Variants in MED13 observed in about 807,000 individuals in gnomAD.
MED13 encodes the protein mediator of RNA polymerase II transcription subunit 13.
MED13 carries 23 observed loss-of-function variants against 225.2 expected under a neutral mutation model. The observed-to-expected ratio is 0.10, with a 90% confidence interval of 0.07 to 0.14. The LOEUF (loss-of-function observed/expected upper bound fraction) is 0.14, where lower values mean the gene tolerates loss of function less well. MED13 is among the 10% of genes least tolerant of loss of function. The pLI, the probability that MED13 is intolerant of heterozygous loss-of-function variation, is 1.00. For missense variants in MED13, 2,197 were observed against 2,594.5 expected (o/e 0.85, Z 3.33); for synonymous variants, 942 against 889.2 (o/e 1.06, Z -1.06).
intron 8 of MED13, among the ~76,000 whole-genome samples, chr17:62,015,950 ATATATTTTTTTTTTTTTT>A (rs2080572976): frequency 7.3e-5 from 1 of 13,780 alleles, no homozygotes; most frequent in South Asian, 3.5e-3. Context: ...ATATATATAT[ATATATTTTTTTTTTTTTT>A]TTTTTTTTTT....
At chr17:61,975,008 G>GA (rs2080141801) in intron 16 of MED13, among the ~76,000 whole-genome samples, 1 of 151,986 alleles carries the variant, frequency 6.6e-6, no homozygotes, top group Non-Finnish European at 1.5e-5. Context: ...TGAAAAACAG[G>GA]AAAGTGAAAA....
intron 23 of MED13, among the ~76,000 whole-genome samples, chr17:61,958,202 C>CT (rs1320698405): frequency 5.9e-5 from 9 of 151,726 alleles, no homozygotes; most frequent in Non-Finnish European, 1.2e-4. Flanking sequence ...GAGTCTAACT[C>CT]TATCACCCAG....
intron 3 of MED13, among the ~76,000 whole-genome samples, chr17:62,037,694 C>A (rs1436202369): frequency 2.0e-5 from 3 of 149,278 alleles, no homozygotes; most frequent in Non-Finnish European, 4.4e-5. Flanking sequence ...GACAAAGAGG[C>A]CTGTAATCCC....
intron 8 of MED13, among the ~76,000 whole-genome samples, chr17:62,022,639 C>T (rs1160502528): frequency 6.6e-6 from 1 of 151,864 alleles, no homozygotes; most frequent in African/African-American, 2.4e-5. Context: ...TGAAGCAGAG[C>T]TATATAAGTA....
At chr17:61,965,643 G>A (rs2080051504) in intron 19 of MED13, among the ~76,000 whole-genome samples, 175 bp from the exon 20 acceptor site, 1 of 152,012 alleles carries the variant, frequency 6.6e-6, no homozygotes, top group Non-Finnish European at 1.5e-5. Context: ...CCTAGAGACT[G>A]AAGAAACATA....
chr17:61,998,699 A>G (rs1200672432), intron 9 of MED13, among the ~76,000 whole-genome samples: 1 of 149,508 alleles, frequency 6.7e-6, no homozygotes, highest in Non-Finnish European at 1.5e-5. Flanking sequence ...TCCAGAGTTC[A>G]AAGTATCCTC....
At chr17:62,021,291 G>A (rs1363718069) in intron 8 of MED13, among the ~76,000 whole-genome samples, 4 of 149,038 alleles carry the variant, frequency 2.7e-5, no homozygotes, top group Non-Finnish European at 4.5e-5. Flanking sequence ...CTCACCTCCC[G>A]GACGGGGCGG....
chr17:62,063,781 C>A (rs911500348), intron 1 of MED13, among the ~76,000 whole-genome samples: 1 of 152,190 alleles, frequency 6.6e-6, no homozygotes, highest in African/African-American at 2.4e-5. Context: ...TTCACACACA[C>A]CCCTGTCGGA....
intron 4 of MED13, among the ~76,000 whole-genome samples, chr17:62,034,552 T>C (rs534445416): frequency 2.0e-4 from 30 of 151,900 alleles, no homozygotes; most frequent in Non-Finnish European, 4.3e-4. Context: ...CTGGGAATAT[T>C]TGTGTATCCT....
intron 8 of MED13, among the ~76,000 whole-genome samples, chr17:62,023,739 GCC>G (rs59162300): frequency 0.38 from 57,450 of 151,792 alleles, 13,443 homozygotes; most frequent in East Asian, 0.72. Context: ...ATCAATGTAT[GCC>G]CCCCAACCTC....
chr17:62,004,408 T>G (rs1463258713), intron 9 of MED13: 1 of 152,202 alleles, frequency 6.6e-6, no homozygotes, highest in Non-Finnish European at 1.5e-5. Flanking sequence ...GACCATAGTT[T>G]AGATAAAATG....
At chr17:61,993,429 TG>T (rs1043757508) in intron 10 of MED13, among the ~76,000 whole-genome samples, 2 of 149,488 alleles carry the variant, frequency 1.3e-5, no homozygotes, top group African/African-American at 4.9e-5. Context: ...CTCGCTCTCC[TG>T]ATCTCAGGTG....
In MED13 at chr17:61,945,521, C is replaced by T. The variant is rs1405865021; in HGVS notation, c.*947G>A. On this transcript the variant is annotated 3_prime_UTR_variant, in exon 30 of 30. Transcript: ENST00000397786. Reference sequence around the variant, plus strand: ...TCTTGTAAAACTAAGTTTCTTTCACCGGAAATGGCCTGAAATATTAGTCAT... The same window carrying T: ...TCTTGTAAAACTAAGTTTCTTTCACTGGAAATGGCCTGAAATATTAGTCAT... The T allele has an allele frequency of 2.0e-5, 3 of 152,630 alleles. No individual in the cohort carries two copies. Among genetic ancestry groups the T allele is most frequent in the South Asian group, 2.1e-4 (1 of 4,820 alleles). 9.5% of individuals were successfully genotyped at this position (152,630 alleles called of 1,614,324 possible). A position where few individuals can be genotyped will look rare whatever the true frequency, so the allele number is the denominator to read the frequency against.
At chr17:61,966,694 T>C in intron 18 of MED13, 43 bp from the exon 19 acceptor site, 1 of 1,368,734 alleles carries the variant, frequency 7.3e-7, no homozygotes, top group African/African-American at 1.5e-5. Context: ...AAATTTATTA[T>C]TGTATTTAGA....
At chr17:62,065,043 A>C in intron 1 of MED13, 97 bp downstream of exon 1, 2 of 1,095,984 alleles carry the variant, frequency 1.8e-6, no homozygotes, top group Non-Finnish European at 2.5e-6. Context: ...TCGCCCGGGA[A>C]CTCGGGCATC....
intron 7 of MED13, 87 bp from the exon 8 acceptor site, chr17:62,029,738 A>G: frequency 6.6e-7 from 1 of 1,514,590 alleles, no homozygotes; most frequent in South Asian, 1.2e-5. Context: ...TTTAAAGATC[A>G]ACATTATGAG....
chr17:62,022,121 T>C (rs369474290), intron 8 of MED13, among the ~76,000 whole-genome samples: 4 of 150,410 alleles, frequency 2.7e-5, no homozygotes, highest in African/African-American at 7.4e-5. Flanking sequence ...TGAGCTGAGA[T>C]GGCATCACTG....
chr17:61,967,225 C>G (rs2080066792), intron 18 of MED13, among the ~76,000 whole-genome samples: 1 of 151,988 alleles, frequency 6.6e-6, no homozygotes, highest in Non-Finnish European at 1.5e-5. Context: ...CTTTAAAAAC[C>G]TAATATGAAT....
At chr17:62,065,090 G>A (rs936056277) in intron 1 of MED13, 50 bp downstream of exon 1, 6 of 1,486,782 alleles carry the variant, frequency 4.0e-6, no homozygotes, top group African/African-American at 2.9e-5. Context: ...CGGCCCAAGG[G>A]CGCACCTCGC....
Sources: allele counts gnomAD v4.1 joint callset (sites outside exome capture counted in the v4.1 genomes callset), GRCh38; gene constraint gnomAD v4.1.1; transcripts MANE v1.5; gene names NCBI Gene and HGNC (gene_info 2026-07-23, HGNC 2026-07-21).